The following KIF5C variants were observed in gnomAD, a reference collection of about 807,000 sequenced individuals.
KIF5C encodes the protein kinesin heavy chain isoform 5C.
A neutral mutation model predicts 125.2 loss-of-function variants in KIF5C; 18 were observed. That is an observed-to-expected ratio of 0.14 (90% confidence interval 0.10 to 0.21). The LOEUF (loss-of-function observed/expected upper bound fraction) is 0.21. Ranked by LOEUF, KIF5C falls within the 10% of genes least tolerant of loss-of-function variation. The pLI is 1.00. For synonymous variants in KIF5C, 405 were observed against 434.0 expected (o/e 0.93, Z 0.83); for missense variants, 780 against 1,183.8 (o/e 0.66, Z 5.01).
At chr2:148,957,592 T>TA (rs201033625) in intron 10 of KIF5C, among the ~76,000 whole-genome samples, 3,544 of 71,536 alleles carry the variant, frequency 0.05, 168 homozygotes, top group African/African-American at 0.12. Context: ...TTTGTTCTAG[T>TA]AAAAAAAAAA....
At chr2:148,941,439 C>T (rs779995973) in intron 4 of KIF5C, among the ~76,000 whole-genome samples, 171 bp from the exon 5 acceptor site, 16 of 152,124 alleles carry the variant, frequency 1.1e-4, no homozygotes, top group Non-Finnish European at 1.8e-4. Flanking sequence ...GTAGAGCAAG[C>T]GGGAAGTAGG....
chr2:148,964,001 C>T (rs970180670), intron 11 of KIF5C, among the ~76,000 whole-genome samples: 1 of 152,166 alleles, frequency 6.6e-6, no homozygotes, highest in Admixed American at 6.5e-5. Flanking sequence ...TTGCGAATCT[C>T]CTTAGAAATG....
chr2:148,904,855 A>G (rs1442890297), intron 1 of KIF5C, among the ~76,000 whole-genome samples: 1 of 152,244 alleles, frequency 6.6e-6, no homozygotes, highest in Non-Finnish European at 1.5e-5. Context: ...CACAGCAGAC[A>G]TGGGCTTAGA....
intron 15 of KIF5C, among the ~76,000 whole-genome samples, chr2:148,988,504 A>G (rs1183792644): frequency 6.6e-6 from 1 of 152,214 alleles, no homozygotes; most frequent in Admixed American, 6.5e-5. Flanking sequence ...AAAGAAGAGG[A>G]ATTCATTCTC....
chr2:148,944,990 T>C (rs1682490034), intron 7 of KIF5C, among the ~76,000 whole-genome samples: 1 of 152,176 alleles, frequency 6.6e-6, no homozygotes, highest in Non-Finnish European at 1.5e-5. Context: ...TATTTTTTAA[T>C]CAGGTTAATT....
chr2:148,882,999 G>T (rs1681409560), intron 1 of KIF5C, among the ~76,000 whole-genome samples: 1 of 152,146 alleles, frequency 6.6e-6, no homozygotes, highest in Admixed American at 6.5e-5. Flanking sequence ...GACCCTCCTT[G>T]GCTGTCAGAG....
chr2:148,968,403 A>G (rs749690360), intron 11 of KIF5C, among the ~76,000 whole-genome samples: 1 of 152,204 alleles, frequency 6.6e-6, no homozygotes, highest in Non-Finnish European at 1.5e-5. Context: ...GGACCACCAC[A>G]ATTGGAACAC....
At chr2:148,889,222 A>G (rs1053161895) in intron 1 of KIF5C, among the ~76,000 whole-genome samples, 16 of 152,216 alleles carry the variant, frequency 1.1e-4, no homozygotes, top group African/African-American at 3.6e-4. Context: ...TTCATTTTTT[A>G]AATAAAGGAG....
At chr2:149,002,387 C>T (rs1240684860) in intron 21 of KIF5C, among the ~76,000 whole-genome samples, 1 of 152,300 alleles carries the variant, frequency 6.6e-6, no homozygotes, top group East Asian at 1.9e-4. Flanking sequence ...TCACAAGTCC[C>T]TTGCCCACAC....
chr2:148,916,934 C>T (rs560618689), intron 1 of KIF5C, among the ~76,000 whole-genome samples: 20 of 152,242 alleles, frequency 1.3e-4, no homozygotes, highest in Non-Finnish European at 2.6e-4. Flanking sequence ...CCTGATCTTT[C>T]TTTATTTATA....
intron 1 of KIF5C, among the ~76,000 whole-genome samples, chr2:148,907,151 T>G (rs959356130): frequency 2.3e-4 from 35 of 152,352 alleles, no homozygotes; most frequent in African/African-American, 8.2e-4. Flanking sequence ...ATTGGTCCAA[T>G]GCTACCTGTT....
At chr2:148,908,752 G>A (rs1219863089) in intron 1 of KIF5C, among the ~76,000 whole-genome samples, 1 of 152,200 alleles carries the variant, frequency 6.6e-6, no homozygotes, top group East Asian at 1.9e-4. Flanking sequence ...TAACTGTTTA[G>A]TGAGGTACTG....
At chr2:148,971,286 G>GTCTGTCTA (rs200415407) in intron 11 of KIF5C, among the ~76,000 whole-genome samples, 1 of 134,598 alleles carries the variant, frequency 7.4e-6, no homozygotes, top group Non-Finnish European at 1.6e-5. Flanking sequence ...CTGTCTGTCT[G>GTCTGTCTA]TCTGTCTATC....
chr2:148,950,270 C>T (rs764291509), intron 9 of KIF5C, 44 bp from the exon 10 acceptor site: 2 of 1,592,664 alleles, frequency 1.3e-6, no homozygotes, highest in South Asian at 1.1e-5. Context: ...GTGTTTTTCT[C>T]AGAATGGGCT....
At chr2:148,921,711 T>C (rs1359772804) in intron 1 of KIF5C, among the ~76,000 whole-genome samples, 1 of 152,238 alleles carries the variant, frequency 6.6e-6, no homozygotes, top group Non-Finnish European at 1.5e-5. Flanking sequence ...CCTAGGCATT[T>C]TGCGTTTTCC....
chr2:148,914,813 C>T lies in KIF5C; in HGVS notation c.127-7324C>T, dbSNP rs538169956. On this transcript the variant is annotated intron_variant, in intron 1 of 25. Coordinates refer to ENST00000435030, the MANE Select transcript of KIF5C (RefSeq NM_004522.3). ...GGCTTAGCACTTATACTCCCAGTTA[C>T]AGCGTCATCCCATGTAGACTGGGCA... 3.3e-5 allele frequency among the ~76,000 whole-genome samples: 5 copies of T among 152,334 alleles called. No homozygotes were observed. The South Asian group carries it at 1.0e-3, about 32-fold the overall frequency.
At chr2:148,932,831 G>A (rs1052246378) in intron 3 of KIF5C, among the ~76,000 whole-genome samples, 3 of 152,160 alleles carry the variant, frequency 2.0e-5, no homozygotes, top group Non-Finnish European at 2.9e-5. Context: ...GATGTCTTAA[G>A]TGTTTCAGGA....
intron 18 of KIF5C, chr2:148,997,616 A>G (rs1189458719): frequency 4.3e-6 from 2 of 460,252 alleles, no homozygotes; most frequent in East Asian, 3.5e-5. Flanking sequence ...AGCACCCCCA[A>G]TCACTGCATG....
rs182179071 is a variant in KIF5C, at chr2:148,997,570, T to C, written c.2100+230T>C. 4 of 662,524 alleles carry C rather than the reference T, an allele frequency of 6.0e-6. No homozygotes were observed. The East Asian group carries it at 1.2e-4, about 19-fold the overall frequency. The allele number at this position is 662,524 out of a possible 1,614,324, so 41.0% of individuals were successfully genotyped here. On this transcript the variant is annotated intron_variant, in intron 18 of 25. Coordinates refer to ENST00000435030, the MANE Select transcript of KIF5C (RefSeq NM_004522.3). ...AGAATGGTTAAGTTGCGTTAATACC[T>C]TTGTCTTCACCATTCCTGATGAAGA...
Sources: gnomAD v4.1 joint callset for allele counts (sites outside exome capture counted in the v4.1 genomes callset) on GRCh38, gnomAD v4.1.1 for gene constraint, MANE v1.5 for transcripts, NCBI Gene and HGNC (gene_info 2026-07-23, HGNC 2026-07-21) for gene names.